Variants in ATP1A1 observed in about 807,000 individuals in gnomAD.
ATP1A1 encodes the protein ATPase Na+/K+ transporting subunit alpha 1, also known as sodium/potassium-transporting ATPase subunit alpha-1.
Under a neutral mutation model 114.8 loss-of-function variants are expected in ATP1A1, and 14 were observed. The observed-to-expected ratio is 0.12, with a 90% CI of 0.08 to 0.19. ATP1A1 has a LOEUF of 0.19. Among genes scored for constraint, ATP1A1 ranks in the 10% least tolerant of loss-of-function variants. ATP1A1 has a pLI of 1.00. For synonymous variants in ATP1A1, 471 were observed against 466.3 expected (o/e 1.01, Z -0.13); for missense variants, 524 against 1,290.7 (o/e 0.41, Z 9.10).
At position 116,403,907 on chromosome 1, in the gene ATP1A1, TC is replaced by T; in HGVS notation, c.2979del (p.Tyr994ThrfsTer66). On this transcript the variant is annotated frameshift_variant, in exon 22 of 23. Transcript: ENST00000295598. LOFTEE classifies it high-confidence loss of function. ...AGACCTACCTGGTGGTTCTGTGCCT[TC>T]CCCTACTCTCTTCTCATCTTCGTAT... The part of the protein sequence containing the change: ...PLKPTWWFCA[F>X]PYSLLIFVYD... 1 of 1,614,170 alleles carries T rather than the reference TC, an allele frequency of 6.2e-7. No homozygotes were observed. Among genetic ancestry groups the T allele is most frequent in the Non-Finnish European group, 8.5e-7 (1 of 1,179,984 alleles).
intron 21 of ATP1A1, among the ~76,000 whole-genome samples, chr1:116,403,050 AGG>A (rs1023908113): frequency 6.6e-6 from 1 of 152,166 alleles, no homozygotes; most frequent in African/African-American, 2.4e-5. Context: ...TACACTGAAA[AGG>A]GGGCATTTCC....
intron 10 of ATP1A1, among the ~76,000 whole-genome samples, chr1:116,391,214 T>G (rs1040589731): frequency 6.6e-6 from 1 of 152,216 alleles, no homozygotes; most frequent in Non-Finnish European, 1.5e-5. Flanking sequence ...CTCTTGAGTT[T>G]ATATGTTATC....
rs1653795212 is a variant in ATP1A1 at position 116,404,377 on chromosome 1, C to A, written c.3044-39C>A. ...CTGTAATGCTGGAGCGAGGAAGACT[C>A]ACTGTAGTGTGTCTTGTCTGTCTCT... On this transcript the variant is annotated intron_variant, in intron 22 of 22. Coordinates refer to ENST00000295598, the MANE Select transcript of ATP1A1 (RefSeq NM_000701.8). The surrounding 1 kb of genome is among the most constrained non-coding windows in gnomAD (Gnocchi z 4.8). 2 of 1,613,210 alleles carry A rather than the reference C, an allele frequency of 1.2e-6. No individual in the cohort carries two copies. Among genetic ancestry groups the A allele is most frequent in the African/African-American group, 2.7e-5 (2 of 74,890 alleles).
At chr1:116,386,868 GT>G (rs202067696) in intron 3 of ATP1A1, among the ~76,000 whole-genome samples, 1 of 151,994 alleles carries the variant, frequency 6.6e-6, no homozygotes, top group African/African-American at 2.4e-5. Context: ...TTGTAGAGGG[GT>G]TTTTTTTCCC....
intron 3 of ATP1A1, among the ~76,000 whole-genome samples, chr1:116,386,690 G>GT (rs1652117402): frequency 6.6e-6 from 1 of 152,212 alleles, no homozygotes; most frequent in Non-Finnish European, 1.5e-5. Flanking sequence ...TAGTAGAGTG[G>GT]TTTTTTCCAG....
chr1:116,390,410 T>C lies in ATP1A1; in HGVS notation c.1221T>C (p.Ser407=). 1.9e-6 allele frequency: 3 copies of C among 1,613,870 alleles called. No individual in the cohort carries two copies. Among genetic ancestry groups the C allele is most frequent in the Non-Finnish European group, 2.5e-6 (3 of 1,179,960 alleles). Residue 407 remains serine, a splice_region_variant and synonymous_variant, in exon 9 of 23, where the codon AGT becomes AGC. Coordinates refer to ENST00000295598, the MANE Select transcript of ATP1A1 (RefSeq NM_000701.8). The part of the protein sequence containing the change: ...IHEADTTENQ[S]GVSFDKTSAT... ...AAGCTGATACGACAGAGAATCAGAG[T>C]GGTAAGGCCAGGGTTACCACACACC...
rs191795671 is a variant in ATP1A1 at position 116,373,483 on chromosome 1, C to A, written c.-29C>A. 4 of 1,514,442 alleles carry A rather than the reference C, an allele frequency of 2.6e-6. No homozygotes were observed. Among genetic ancestry groups the A allele is most frequent in the Middle Eastern group, 1.7e-4 (1 of 5,908 alleles). The allele number at this position is 1,514,442 out of a possible 1,614,324, so 93.8% of individuals were successfully genotyped here. A position where few individuals can be genotyped will look rare whatever the true frequency, so the allele number is the denominator to read the frequency against. ...TCTCTCTGATTCTCCAGCGACAGGACCCGGCGCCGGGCACTGAGCACCGCC... is the reference window on the plus strand; with the variant it reads ...TCTCTCTGATTCTCCAGCGACAGGAACCGGCGCCGGGCACTGAGCACCGCC... On this transcript the variant is annotated 5_prime_UTR_variant, in exon 1 of 23. Coordinates refer to ENST00000295598, the MANE Select transcript of ATP1A1 (RefSeq NM_000701.8).
chr1:116,387,148 T>C lies in ATP1A1; in HGVS notation c.184-140T>C, dbSNP rs1272333718. 3 of 970,640 alleles carry C rather than the reference T, an allele frequency of 3.1e-6. No homozygotes were observed. The highest frequency in any genetic ancestry group is 1.6e-5 in the African/African-American group (1 of 60,886). The allele number at this position is 970,640 out of a possible 1,614,324, so 60.1% of individuals were successfully genotyped here. On this transcript the variant is annotated intron_variant, in intron 3 of 22. Coordinates refer to ENST00000295598, the MANE Select transcript of ATP1A1 (RefSeq NM_000701.8). The surrounding 1 kb of genome is among the most constrained non-coding windows in gnomAD (Gnocchi z 6.7). Reference sequence around the variant, plus strand: ...CAGAATTATTCATGGAGGAATTTGCTAGGTTTTACCTTGGCTCTCTAGCTT... The same window carrying C: ...CAGAATTATTCATGGAGGAATTTGCCAGGTTTTACCTTGGCTCTCTAGCTT...
intron 1 of ATP1A1, 121 bp downstream of exon 1, chr1:116,373,644 TG>T (rs1410082674): frequency 1.3e-5 from 13 of 1,019,190 alleles, no homozygotes; most frequent in Admixed American, 9.6e-5. Flanking sequence ...CCGCGTGGAG[TG>T]GGCTGGCAGA....
chr1:116,391,213 T>TTA (rs1164158843), intron 10 of ATP1A1, among the ~76,000 whole-genome samples: 1 of 152,218 alleles, frequency 6.6e-6, no homozygotes, highest in African/African-American at 2.4e-5. Flanking sequence ...ACTCTTGAGT[T>TTA]TATATGTTAT....
Position 116,373,342 on chromosome 1 carries a change from C to G in ATP1A1, c.-170C>G. 2.3e-5 allele frequency: 13 copies of G among 576,782 alleles called. No individual in the cohort carries two copies. The highest frequency in any genetic ancestry group is 4.5e-5 in the Admixed American group (1 of 22,214). 35.7% of individuals were successfully genotyped at this position (576,782 alleles called of 1,614,324 possible). A position where few individuals can be genotyped will look rare whatever the true frequency, so the allele number is the denominator to read the frequency against. ...CGGGCGGCGGCAGCAACAGCGGCGG[C>G]GGCATCGGCCCGAGCCGCCGGCCGC... On this transcript the variant is annotated 5_prime_UTR_variant, in exon 1 of 23. Coordinates refer to ENST00000295598, the MANE Select transcript of ATP1A1 (RefSeq NM_000701.8).
intron 1 of ATP1A1, chr1:116,382,590 A>T (rs2101036120): frequency 6.6e-6 from 1 of 152,366 alleles, no homozygotes; most frequent in Middle Eastern, 3.4e-3. Flanking sequence ...CAGAAGTTAA[A>T]AAGGTAAATA....
At position 116,403,925 on chromosome 1, in the gene ATP1A1, T is replaced by A; in HGVS notation, c.2993T>A (p.Ile998Asn). 6.2e-7 allele frequency: 1 copy of A among 1,614,254 alleles called. No individual in the cohort carries two copies. The highest frequency in any genetic ancestry group is 8.5e-7 in the Non-Finnish European group (1 of 1,180,034). The part of the protein sequence containing the change: ...WFCAFPYSLL[I>N]FVYDEVRKLI... ...TGTGCCTTCCCCTACTCTCTTCTCATCTTCGTATATGACGAAGTCAGAAAA... is the reference window on the plus strand; with the variant it reads ...TGTGCCTTCCCCTACTCTCTTCTCAACTTCGTATATGACGAAGTCAGAAAA... Residue 998 changes from isoleucine to asparagine, a missense_variant, in exon 22 of 23, where the codon ATC becomes AAC. This residue lies in a region of ATP1A1 where 84 missense variants were observed against 209.3 expected (regional missense o/e 0.40). Coordinates refer to ENST00000295598, the MANE Select transcript of ATP1A1 (RefSeq NM_000701.8).
At chr1:116,391,268 C>T (rs1390210843) in intron 10 of ATP1A1, among the ~76,000 whole-genome samples, 4 of 152,174 alleles carry the variant, frequency 2.6e-5, no homozygotes, top group African/African-American at 9.7e-5. Flanking sequence ...GCAGTGACTC[C>T]ATAATCGTAT....
At position 116,401,230 on chromosome 1, in the gene ATP1A1, G is replaced by A; in HGVS notation, c.2819G>A (p.Arg940Lys). ...GCCGACTTGGTCATCTGTAAGACCA[G>A]GAGGAATTCGGTCTTCCAGCAGGGG... ...QWADLVICKT[R>K]RNSVFQQGMK... Residue 940 changes from arginine to lysine, a missense_variant, in exon 20 of 23, where the codon AGG becomes AAG. Around this residue, in one of 8 missense-constraint regions of ATP1A1, gnomAD observed 84 missense variants for 209.3 expected, o/e 0.40. Coordinates refer to ENST00000295598, the MANE Select transcript of ATP1A1 (RefSeq NM_000701.8). The surrounding 1 kb of genome is among the most constrained non-coding windows in gnomAD (Gnocchi z 4.7). 2 of 1,614,210 alleles carry A rather than the reference G, an allele frequency of 1.2e-6. No individual in the cohort carries two copies. The highest frequency in any genetic ancestry group is 1.7e-6 in the Non-Finnish European group (2 of 1,180,046).
In ATP1A1 at chr1:116,393,612, C is replaced by G. The variant is rs574791429; in HGVS notation, c.1549C>G (p.Arg517Gly). 1.9e-6 allele frequency: 3 copies of G among 1,614,178 alleles called. No individual in the cohort carries two copies. Among genetic ancestry groups the G allele is most frequent in the African/African-American group, 2.7e-5 (2 of 75,044 alleles). The change falls in exon 12 of 23, where the codon CGT (arginine) becomes GGT (glycine). Residue 517 changes from arginine to glycine, a missense_variant. Physicochemically the swap from Arg to Gly is moderately radical, Grantham distance 125. Transcript: ENST00000295598. The surrounding 1 kb of genome is among the most constrained non-coding windows in gnomAD (Gnocchi z 5.0). ...GGGCGCCCCAGAAAGGATCCTAGAC[C>G]GTTGCAGCTCTATCCTCCTCCACGG... ...MKGAPERILDRCSSILLHGKE... is the reference protein window; with the variant it reads ...MKGAPERILDGCSSILLHGKE...
chr1:116,373,541 C>A lies in ATP1A1; in HGVS notation c.12+18C>A. The A allele has an allele frequency of 6.9e-7, 1 of 1,450,404 alleles. No homozygotes were observed. The highest frequency in any genetic ancestry group is 1.4e-5 in the South Asian group (1 of 70,230). 89.8% of individuals were successfully genotyped at this position (1,450,404 alleles called of 1,614,324 possible). Reference sequence around the variant, plus strand: ...GGAAGGGGGTGAGTGTCCGGCGCGCCCGGGGAGGGGGCTCGGGGAGCCCTC... The same window carrying A: ...GGAAGGGGGTGAGTGTCCGGCGCGCACGGGGAGGGGGCTCGGGGAGCCCTC... On this transcript the variant is annotated intron_variant, in intron 1 of 22. Transcript: ENST00000295598.
chr1:116,387,545 C>G lies in ATP1A1; in HGVS notation c.387+54C>G. 2 of 1,574,798 alleles carry G rather than the reference C, an allele frequency of 1.3e-6. No homozygotes were observed. The highest frequency in any genetic ancestry group is 2.2e-5 in the South Asian group (2 of 89,040). ...TGTAGTACACATCAGATATCTTCTC[C>G]GTCTTTGTCTCCCACTTCTTCTCAA... is the stretch of plus-strand genomic sequence containing the variant. On this transcript the variant is annotated intron_variant, in intron 4 of 22. Transcript: ENST00000295598. The surrounding 1 kb of genome is among the most constrained non-coding windows in gnomAD (Gnocchi z 6.7).
At position 116,385,264 on chromosome 1, in the gene ATP1A1, TG is replaced by T. The variant is rs1381320657; in HGVS notation, c.183+424del. 8.4e-5 allele frequency: 15 copies of T among 178,936 alleles called. No homozygotes were observed. Among genetic ancestry groups the T allele is most frequent in the Non-Finnish European group, 1.5e-4 (13 of 85,976 alleles). The allele number at this position is 178,936 out of a possible 1,614,324, so 11.1% of individuals were successfully genotyped here. On this transcript the variant is annotated intron_variant, in intron 3 of 22. Coordinates refer to ENST00000295598, the MANE Select transcript of ATP1A1 (RefSeq NM_000701.8). This position sits in a 1 kb window ranked among gnomAD's most constrained non-coding sequence, Gnocchi z 4.3. ...CCAGCTAGCCCATTGCAGTGTGTTA[TG>T]GTTATACTATCATTTGTTTAGTTAT...
Sources: gnomAD v4.1 joint callset for allele counts (sites outside exome capture counted in the v4.1 genomes callset) on GRCh38, gnomAD v4.1.1 for gene constraint, gnomAD v4.1.1 regional missense constraint, Gnocchi (gnomAD v3.1) non-coding constraint, MANE v1.5 for transcripts, NCBI Gene and HGNC (gene_info 2026-07-23, HGNC 2026-07-21) for gene names.